Variants in CAST observed in about 807,000 individuals in gnomAD.
The protein encoded by CAST is calpastatin, also known as MIR583 host.
In CAST, 76 loss-of-function variants were observed where a neutral mutation model predicts 119.6. The observed-to-expected ratio is 0.64, with a 90% CI of 0.53 to 0.77. The LOEUF (loss-of-function observed/expected upper bound fraction) is 0.77, where lower values mean the gene tolerates loss of function less well. Among genes scored for constraint, CAST ranks in the 30% least tolerant of loss-of-function variants. CAST has a pLI of 0.00. For synonymous variants in CAST, 319 were observed against 331.6 expected (o/e 0.96, Z 0.41); for missense variants, 953 against 946.5 (o/e 1.01, Z -0.09).
chr5:96,632,346 T>G (rs1747832471), intron 1 of CAST, among the ~76,000 whole-genome samples: 1 of 150,946 alleles, frequency 6.6e-6, no homozygotes, highest in African/African-American at 2.4e-5. Flanking sequence ...CAAAATTTTT[T>G]AATTTTGATG....
chr5:96,200,353 G>A, the CAST span, among the ~76,000 whole-genome samples: 3 of 152,228 alleles, frequency 2.0e-5, no homozygotes, highest in South Asian at 6.2e-4. Flanking sequence ...GATGATGATT[G>A]CTCAGAATCC....
chr5:96,484,873 C>T, the CAST span, among the ~76,000 whole-genome samples: 1 of 152,086 alleles, frequency 6.6e-6, no homozygotes, highest in Non-Finnish European at 1.5e-5. Flanking sequence ...AATAAAAGTA[C>T]CTGTGAGAAC....
At chr5:96,294,098 A>G in the CAST span, among the ~76,000 whole-genome samples, 1 of 152,142 alleles carries the variant, frequency 6.6e-6, no homozygotes, top group Non-Finnish European at 1.5e-5. Flanking sequence ...CTATTCAAAT[A>G]TTTATTTTAC....
At position 96,774,565 on chromosome 5, in the gene CAST, G is replaced by C; in HGVS notation, c.*1949G>C. The C allele has an allele frequency of 3.0e-6, 3 of 985,456 alleles. No homozygotes were observed. Among genetic ancestry groups the C allele is most frequent in the Non-Finnish European group, 3.6e-6 (3 of 829,664 alleles). 61.0% of individuals were successfully genotyped at this position (985,456 alleles called of 1,614,324 possible). On this transcript the variant is annotated 3_prime_UTR_variant, in exon 32 of 32. Transcript: ENST00000675179. Reference sequence around the variant, plus strand: ...AATATTGTATCTGTTTAGAAAATGGGCTTTTCCAAAAGCAAACAAAGATAG... The same window carrying C: ...AATATTGTATCTGTTTAGAAAATGGCCTTTTCCAAAAGCAAACAAAGATAG...
the CAST span, among the ~76,000 whole-genome samples, chr5:96,512,862 C>A: frequency 6.6e-6 from 1 of 152,132 alleles, no homozygotes; most frequent in African/African-American, 2.4e-5. Flanking sequence ...ATATTAGGAA[C>A]ACAAACGAAG....
chr5:96,299,615 C>T, the CAST span, among the ~76,000 whole-genome samples: 1 of 152,184 alleles, frequency 6.6e-6, no homozygotes, highest in Non-Finnish European at 1.5e-5. Flanking sequence ...CATAGAAGCA[C>T]TACTACTAGA....
chr5:96,482,281 A>C, the CAST span, among the ~76,000 whole-genome samples: 1 of 152,030 alleles, frequency 6.6e-6, no homozygotes, highest in Admixed American at 6.6e-5. Flanking sequence ...AGGTTAGCAC[A>C]GGTTAGTACA....
chr5:96,217,204 A>ATTTTTT, the CAST span, among the ~76,000 whole-genome samples: 8 of 97,028 alleles, frequency 8.2e-5, no homozygotes, highest in East Asian at 3.5e-4. Flanking sequence ...ATGCTAGCTA[A>ATTTTTT]TTTTTTTTTT....
chr5:96,261,926 C>T, the CAST span, among the ~76,000 whole-genome samples: 1 of 152,304 alleles, frequency 6.6e-6, no homozygotes, highest in Admixed American at 6.5e-5. Context: ...ATGATCACAT[C>T]TAATCCTCAC....
chr5:96,288,947 G>A, the CAST span, among the ~76,000 whole-genome samples: 1 of 152,024 alleles, frequency 6.6e-6, no homozygotes, highest in East Asian at 1.9e-4. Context: ...TAATGAGCAG[G>A]CTTTTTCCCT....
chr5:96,729,108 A>G (rs779627314), intron 6 of CAST, 45 bp from the exon 7 acceptor site: 2 of 1,133,406 alleles, frequency 1.8e-6, no homozygotes, highest in East Asian at 2.4e-5. Context: ...AAGTATTACA[A>G]GTTGGATTCC....
the CAST span, among the ~76,000 whole-genome samples, chr5:96,448,987 A>G: frequency 1.3e-5 from 2 of 152,354 alleles, no homozygotes; most frequent in Admixed American, 1.3e-4. Flanking sequence ...ATGAAAAACA[A>G]CAATTCTCTG....
At chr5:96,444,179 G>A in the CAST span, among the ~76,000 whole-genome samples, 1 of 152,084 alleles carries the variant, frequency 6.6e-6, no homozygotes, top group African/African-American at 2.4e-5. Context: ...CACATAAAGG[G>A]GCATTCTTTG....
the CAST span, among the ~76,000 whole-genome samples, chr5:96,404,977 A>G: frequency 4.2e-4 from 64 of 152,304 alleles, no homozygotes; most frequent in Admixed American, 4.1e-3. Context: ...TTCAGTCTCC[A>G]TAGTTGTTCC....
the CAST span, among the ~76,000 whole-genome samples, chr5:96,131,616 C>A: frequency 1.3e-5 from 2 of 152,080 alleles, no homozygotes; most frequent in Admixed American, 6.6e-5. Flanking sequence ...TCCTTGGGAT[C>A]ACCGTAACCT....
At chr5:96,676,295 G>C (rs1750702313) in intron 2 of CAST, among the ~76,000 whole-genome samples, 1 of 152,128 alleles carries the variant, frequency 6.6e-6, no homozygotes, top group Non-Finnish European at 1.5e-5. Flanking sequence ...AGTAGAAATT[G>C]AGTCATTTCT....
the CAST span, among the ~76,000 whole-genome samples, chr5:96,059,014 A>T: frequency 6.6e-5 from 10 of 152,136 alleles, no homozygotes; most frequent in Non-Finnish European, 1.2e-4. Context: ...TTTAGCTGGA[A>T]ACATGGGGCA....
chr5:96,174,195 C>T, the CAST span, among the ~76,000 whole-genome samples: 1 of 152,084 alleles, frequency 6.6e-6, no homozygotes, highest in Non-Finnish European at 1.5e-5. Flanking sequence ...GTTGAGATTC[C>T]CAGGAGCCTC....
chr5:96,042,488 G>T, the CAST span, among the ~76,000 whole-genome samples: 1 of 152,134 alleles, frequency 6.6e-6, no homozygotes, highest in East Asian at 1.9e-4. Context: ...AAACTTGCAA[G>T]GAGTAAATTG....
Sources: allele counts gnomAD v4.1 joint callset (sites outside exome capture counted in the v4.1 genomes callset), GRCh38; gene constraint gnomAD v4.1.1; transcripts MANE v1.5; gene names NCBI Gene and HGNC (gene_info 2026-07-23, HGNC 2026-07-21).